KCNG2: variants seen among roughly 807,000 people sequenced by gnomAD.
The protein encoded by KCNG2 is potassium voltage-gated channel modifier subfamily G member 2, also known as voltage-gated potassium channel regulatory subunit KCNG2.
In KCNG2, 7 loss-of-function variants were observed where a neutral mutation model predicts 12.3. That is an observed-to-expected ratio of 0.57 (90% CI 0.32 to 1.07). The LOEUF is 1.07. Ranked by LOEUF, KCNG2 falls within the 50% of genes least tolerant of loss-of-function variation. The pLI is 0.04. For synonymous variants in KCNG2, 414 were observed against 351.4 expected (o/e 1.18, Z -1.99); for missense variants, 703 against 726.0 (o/e 0.97, Z 0.36).
intron 1 of KCNG2, among the ~76,000 whole-genome samples, chr18:79,833,063 T>G (rs917237209): frequency 1.3e-5 from 2 of 152,236 alleles, no homozygotes; most frequent in Non-Finnish European, 2.9e-5. Context: ...AATTTTTTCT[T>G]ATTACTTCAG....
chr18:79,878,651 A>G (rs967967547), intron 3 of KCNG2, among the ~76,000 whole-genome samples: 1 of 152,100 alleles, frequency 6.6e-6, no homozygotes. Flanking sequence ...TTTTTTTTCT[A>G]ATAAAAATAA....
chr18:79,809,848 T>C, intron 1 of KCNG2, among the ~76,000 whole-genome samples: 1 of 152,272 alleles, frequency 6.6e-6, no homozygotes, highest in Non-Finnish European at 1.5e-5. Flanking sequence ...TGCCCGTGGC[T>C]GCCCTCTGCG....
rs1450037541 is a variant in KCNG2 at position 79,846,361 on chromosome 18, C to T, written c.-114-10018C>T. Among the ~76,000 whole-genome samples the T allele has an allele frequency of 7.9e-5, 9 of 113,592 alleles. No individual in the cohort carries two copies. The Admixed American group carries it at 8.2e-4, about 10-fold the overall frequency. 74.5% of individuals were successfully genotyped at this position (113,592 alleles called of 152,430 possible). A position where few individuals can be genotyped will look rare whatever the true frequency, so the allele number is the denominator to read the frequency against. ...CTGCAGTCCAGCCTGGGCAACAGAG[C>T]GAGACTCCGTCTCAAAAAAAAAAAA... On this transcript the variant is annotated intron_variant, in intron 1 of 3. Transcript: ENST00000316249.
chr18:79,879,751 C>A (rs1379006660), intron 3 of KCNG2, among the ~76,000 whole-genome samples: 6 of 152,134 alleles, frequency 3.9e-5, no homozygotes, highest in Non-Finnish European at 8.8e-5. Context: ...TTATCCCAAC[C>A]AGTGCACGAA....
rs377697574 is a variant in KCNG2 at position 79,820,190 on chromosome 18, G to A, written c.-115+22176G>A. Among the ~76,000 whole-genome samples, 103 of 152,322 alleles carry A rather than the reference G, an allele frequency of 6.8e-4. 1 individual carries two copies. The highest frequency in any genetic ancestry group is 5.8e-3 in the Admixed American group (89 of 15,310). On this transcript the variant is annotated intron_variant, in intron 1 of 3. Coordinates refer to ENST00000316249, the MANE Select transcript of KCNG2 (RefSeq NM_012283.2). ...GACTGATGCTGCTCTGAACGTCGGC[G>A]CTTGTATCCTCTGTTTGAGTCCCTG...
chr18:79,837,991 C>G (rs1409817329), intron 1 of KCNG2, among the ~76,000 whole-genome samples: 1 of 152,216 alleles, frequency 6.6e-6, no homozygotes, highest in African/African-American at 2.4e-5. Flanking sequence ...CCTCAGGAAA[C>G]TTACAGTCAT....
At chr18:79,860,681 G>A (rs1979180390) in intron 2 of KCNG2, among the ~76,000 whole-genome samples, 2 of 151,602 alleles carry the variant, frequency 1.3e-5, no homozygotes, top group Admixed American at 6.6e-5. Flanking sequence ...GTGTGTGTGT[G>A]CGCATGTGTA....
intron 1 of KCNG2, among the ~76,000 whole-genome samples, chr18:79,855,163 C>T (rs1356353311): frequency 6.6e-6 from 1 of 152,046 alleles, no homozygotes; most frequent in Non-Finnish European, 1.5e-5. Flanking sequence ...CATGTGCTCA[C>T]GGTGGACTGT....
chr18:79,835,614 A>G (rs1295968718), intron 1 of KCNG2, among the ~76,000 whole-genome samples: 1 of 152,246 alleles, frequency 6.6e-6, no homozygotes, highest in African/African-American at 2.4e-5. Flanking sequence ...AGAATGGTAG[A>G]GGGGAAACAT....
intron 1 of KCNG2, among the ~76,000 whole-genome samples, chr18:79,843,557 A>G (rs1978529271): frequency 6.6e-6 from 1 of 152,242 alleles, no homozygotes. Flanking sequence ...TAATGGATAC[A>G]TAATATATAA....
chr18:79,856,311 G>A (rs867730833), intron 1 of KCNG2, among the ~76,000 whole-genome samples, 68 bp from the exon 2 acceptor site: 2 of 152,344 alleles, frequency 1.3e-5, no homozygotes, highest in African/African-American at 2.4e-5. Context: ...TCAGAGCCAC[G>A]ATGCTCCGCA....
intron 1 of KCNG2, among the ~76,000 whole-genome samples, chr18:79,805,255 C>T (rs773351291): frequency 2.6e-5 from 4 of 152,248 alleles, no homozygotes; most frequent in Non-Finnish European, 5.9e-5. Context: ...CATTCTCCGC[C>T]TCACCGCACT....
chr18:79,897,248 GCT>G (rs1259508666), intron 3 of KCNG2, among the ~76,000 whole-genome samples: 5 of 151,678 alleles, frequency 3.3e-5, no homozygotes, highest in African/African-American at 9.7e-5. Context: ...TTCCTAAAGC[GCT>G]GTTTGGTTTA....
intron 3 of KCNG2, among the ~76,000 whole-genome samples, chr18:79,883,333 AGTGGTG>A (rs1980393569): frequency 6.6e-6 from 1 of 152,184 alleles, no homozygotes; most frequent in Admixed American, 6.5e-5. Flanking sequence ...TTTTCGCGGT[AGTGGTG>A]GTTCCAGGAC....
intron 3 of KCNG2, among the ~76,000 whole-genome samples, chr18:79,894,205 A>T (rs2123130847): frequency 6.6e-6 from 1 of 151,924 alleles, no homozygotes; most frequent in East Asian, 1.9e-4. Context: ...TCTGCTTTTG[A>T]TTGAGTTCTT....
intron 2 of KCNG2, among the ~76,000 whole-genome samples, chr18:79,858,757 C>T (rs11661551): frequency 0.8 from 121,544 of 151,982 alleles, 52,581 homozygotes; most frequent in Non-Finnish European, 0.95. Flanking sequence ...ATTTGTTTGA[C>T]TATAACGACC....
rs114511568 is a variant in KCNG2, at chr18:79,898,045, C to T, written c.625-995C>T. On this transcript the variant is annotated intron_variant, in intron 3 of 3. Coordinates refer to ENST00000316249, the MANE Select transcript of KCNG2 (RefSeq NM_012283.2). ...CCAGCTGTCTTCTCCCCTCATTCCC[C>T]GGCACCTTAGCCAGCGTGCAGTCTA... 2.0e-3 allele frequency among the ~76,000 whole-genome samples: 311 copies of T among 152,310 alleles called. 1 individual carries two copies. The highest frequency in any genetic ancestry group is 6.1e-3 in the African/African-American group (255 of 41,558).
intron 3 of KCNG2, among the ~76,000 whole-genome samples, chr18:79,890,498 T>C (rs562356209): frequency 1.6e-4 from 25 of 152,144 alleles, no homozygotes; most frequent in Non-Finnish European, 3.1e-4. Flanking sequence ...GTCTGCAGTG[T>C]CTGCTGTTGC....
chr18:79,818,624 C>T (rs2087547622), intron 1 of KCNG2, among the ~76,000 whole-genome samples: 1 of 152,224 alleles, frequency 6.6e-6, no homozygotes, highest in South Asian at 2.1e-4. Flanking sequence ...GTCCCTCCCG[C>T]CAGCATCTCC....
Sources: gnomAD v4.1 joint callset for allele counts (sites outside exome capture counted in the v4.1 genomes callset) on GRCh38, gnomAD v4.1.1 for gene constraint, MANE v1.5 for transcripts, NCBI Gene and HGNC (gene_info 2026-07-23, HGNC 2026-07-21) for gene names.